The following MYO18B variants were observed in gnomAD, a reference collection of about 807,000 sequenced individuals.
The protein encoded by MYO18B is unconventional myosin-XVIIIb.
In MYO18B, 204 loss-of-function variants were observed where a neutral mutation model predicts 273.0. The observed-to-expected ratio is 0.75, with a 90% CI of 0.67 to 0.84. The LOEUF (loss-of-function observed/expected upper bound fraction) is 0.84, where lower values mean the gene tolerates loss of function less well. Among genes scored for constraint, MYO18B ranks in the 40% least tolerant of loss-of-function variants. The pLI is 0.00. For synonymous variants in MYO18B, 1,330 were observed against 1,305.7 expected (o/e 1.02, Z -0.40); for missense variants, 3,212 against 3,287.6 (o/e 0.98, Z 0.56).
intron 19 of MYO18B, 94 bp from the exon 20 acceptor site, chr22:25,847,336 T>A: frequency 8.6e-7 from 1 of 1,167,784 alleles, no homozygotes; most frequent in Non-Finnish European, 1.2e-6. Context: ...CCAAAGATGC[T>A]CAGGTTGGGC....
chr22:26,036,121 A>G, the MYO18B span, among the ~76,000 whole-genome samples: 1 of 152,144 alleles, frequency 6.6e-6, no homozygotes, highest in Non-Finnish European at 1.5e-5. Flanking sequence ...GTGTCAAAGG[A>G]TGTTGGATGC....
chr22:25,960,179 G>A (rs1489928126), intron 39 of MYO18B, among the ~76,000 whole-genome samples: 1 of 152,156 alleles, frequency 6.6e-6, no homozygotes, highest in Non-Finnish European at 1.5e-5. Context: ...TTTAGTAAAT[G>A]TACTATTCCT....
chr22:26,025,113 T>C (rs1477702416), intron 42 of MYO18B, among the ~76,000 whole-genome samples: 2 of 152,144 alleles, frequency 1.3e-5, no homozygotes, highest in Non-Finnish European at 1.5e-5. Context: ...GAGGATTAGG[T>C]GTCAACATAT....
At chr22:25,762,113 A>G (rs1364469347) in intron 2 of MYO18B, among the ~76,000 whole-genome samples, 1 of 148,862 alleles carries the variant, frequency 6.7e-6, no homozygotes, top group African/African-American at 2.6e-5. Flanking sequence ...CAAAAAAGAA[A>G]AAAAAAAAAA....
rs1289869879 is a variant in MYO18B at position 25,973,272 on chromosome 22, G to C, written c.6156+17908G>C. ...TACTCTTAAAAATGGGGTGGTGGTG[G>C]TGGCTGTGAATATCAATCAAAAGGG... On this transcript the variant is annotated intron_variant, in intron 39 of 43. Coordinates refer to ENST00000335473, the MANE Select transcript of MYO18B (RefSeq NM_032608.7). 3.3e-5 allele frequency among the ~76,000 whole-genome samples: 5 copies of C among 152,200 alleles called. No individual in the cohort carries two copies. In the East Asian group the frequency reaches 9.6e-4, roughly 29 times the overall value.
At chr22:25,833,247 T>C (rs889795149) in intron 16 of MYO18B, among the ~76,000 whole-genome samples, 1 of 152,082 alleles carries the variant, frequency 6.6e-6, no homozygotes, top group Non-Finnish European at 1.5e-5. Context: ...TATGTCTGAG[T>C]CTATGTCTTA....
At position 25,823,671 on chromosome 22, in the gene MYO18B, C is replaced by T. The variant is rs1478287082; in HGVS notation, c.2688C>T (p.Thr896=). Residue 896 remains threonine (T), a synonymous_variant, in exon 13 of 44, where the codon ACC becomes ACT. Coordinates refer to ENST00000335473, the MANE Select transcript of MYO18B (RefSeq NM_032608.7). ...GATGGGGCCTCGAGGATGAGGAAAC[C>T]AGCTCAGGTACATGGCTGCTGCCTC... ...PSRWGLEDEE[T]SSGLKMTGVD... 5.0e-6 allele frequency: 8 copies of T among 1,613,934 alleles called. No homozygotes were observed. In the South Asian group the frequency reaches 8.8e-5, roughly 18 times the overall value.
intron 12 of MYO18B, among the ~76,000 whole-genome samples, chr22:25,812,069 C>T (rs1417698803): frequency 6.6e-6 from 1 of 151,606 alleles, no homozygotes; most frequent in Non-Finnish European, 1.5e-5. Flanking sequence ...GTCACACAGT[C>T]CCAAGTGGCA....
intron 16 of MYO18B, 53 bp from the exon 17 acceptor site, chr22:25,835,243 C>G: frequency 6.4e-7 from 1 of 1,571,690 alleles, no homozygotes. Context: ...AAGCCCAAGA[C>G]AGGCTTCTGA....
intron 21 of MYO18B, among the ~76,000 whole-genome samples, chr22:25,858,831 T>A (rs1336851730): frequency 6.6e-6 from 1 of 152,220 alleles, no homozygotes; most frequent in African/African-American, 2.4e-5. Context: ...GATGCTTCAC[T>A]GAATGAATCT....
intron 25 of MYO18B, among the ~76,000 whole-genome samples, chr22:25,882,818 G>A (rs983656914): frequency 1.3e-5 from 2 of 152,110 alleles, no homozygotes; most frequent in African/African-American, 2.4e-5. Flanking sequence ...GATGAAGTCT[G>A]GGCTTTTAGT....
At chr22:25,898,682 T>C in intron 29 of MYO18B, 1 of 516,266 alleles carries the variant, frequency 1.9e-6, no homozygotes, top group Middle Eastern at 5.3e-4. Flanking sequence ...ATGTGGCCAA[T>C]TGATCTTGTG....
chr22:25,851,476 C>T lies in MYO18B; in HGVS notation c.3782C>T (p.Ala1261Val). The change falls in exon 21 of 44, where the codon GCT becomes GTT. Residue 1261 changes from alanine to valine, a missense_variant. Transcript: ENST00000335473. ...CCTGCTCCTACCTCCCTAGGCTATG[C>T]TGACCACATGGGGCTCACTCGCTTC... ...EALRLHRTGYADHMGLTRFRR... is the reference protein window; with the variant it reads ...EALRLHRTGYVDHMGLTRFRR... 1 of 1,554,446 alleles carries T rather than the reference C, an allele frequency of 6.4e-7. No homozygotes were observed. The highest frequency in any genetic ancestry group is 8.7e-7 in the Non-Finnish European group (1 of 1,148,378).
intron 30 of MYO18B, 188 bp downstream of exon 30, chr22:25,902,924 T>A (rs5761306): frequency 3.2e-6 from 2 of 619,884 alleles, no homozygotes; most frequent in South Asian, 4.0e-5. Context: ...ATAATCAGAC[T>A]TTGAGCAAGA....
intron 33 of MYO18B, among the ~76,000 whole-genome samples, chr22:25,919,412 A>ATT (rs2092308375): frequency 6.6e-6 from 1 of 152,196 alleles, no homozygotes. Flanking sequence ...CTTCAGTTTC[A>ATT]TTATCTGTAA....
intron 12 of MYO18B, among the ~76,000 whole-genome samples, chr22:25,813,163 C>A (rs1435533795): frequency 1.4e-5 from 2 of 146,692 alleles, no homozygotes; most frequent in Non-Finnish European, 3.0e-5. Flanking sequence ...CCTTCTCCTC[C>A]TCTTCTTCCT....
intron 10 of MYO18B, among the ~76,000 whole-genome samples, chr22:25,783,149 A>G (rs951151704): frequency 1.3e-5 from 2 of 152,082 alleles, no homozygotes; most frequent in Non-Finnish European, 2.9e-5. Context: ...TTGTTTTTGG[A>G]GGATTTGATC....
chr22:25,791,844 A>G (rs572042942), intron 11 of MYO18B, among the ~76,000 whole-genome samples: 177 of 152,364 alleles, frequency 1.2e-3, no homozygotes, highest in Non-Finnish European at 2.2e-3. Context: ...GGTTCTTTAA[A>G]TAAGGAATTA....
At chr22:25,996,874 C>T (rs1403795715) in intron 40 of MYO18B, among the ~76,000 whole-genome samples, 1 of 152,052 alleles carries the variant, frequency 6.6e-6, no homozygotes, top group Non-Finnish European at 1.5e-5. Context: ...CCCCTTTTCT[C>T]TTTCTCCATC....
Sources: gnomAD v4.1 joint callset for allele counts (sites outside exome capture counted in the v4.1 genomes callset) on GRCh38, gnomAD v4.1.1 for gene constraint, MANE v1.5 for transcripts, NCBI Gene and HGNC (gene_info 2026-07-23, HGNC 2026-07-21) for gene names.